The following IGF2BP3 variants were observed in gnomAD, a reference collection of about 807,000 sequenced individuals.
The protein encoded by IGF2BP3 is insulin like growth factor 2 mRNA binding protein 3.
A neutral mutation model predicts 73.8 loss-of-function variants in IGF2BP3; 9 were observed. The observed-to-expected ratio is 0.12, with a 90% CI of 0.07 to 0.21. The LOEUF (loss-of-function observed/expected upper bound fraction) is 0.21. Ranked by LOEUF, IGF2BP3 falls within the 10% of genes least tolerant of loss-of-function variation. The probability of loss-of-function intolerance (pLI) is 1.00; values close to 1 mark genes in which losing one functional copy is unlikely to be tolerated. For synonymous variants in IGF2BP3, 258 were observed against 256.7 expected, an observed-to-expected ratio of 1.01 and a Z score of -0.05; for missense variants, 542 against 714.0, an observed-to-expected ratio of 0.76 and a Z score of 2.75.
chr7:23,387,587 C>T (rs928430924), intron 3 of IGF2BP3, among the ~76,000 whole-genome samples: 5 of 152,168 alleles, frequency 3.3e-5, no homozygotes, highest in Admixed American at 2.0e-4. Flanking sequence ...GGGAACTCTA[C>T]ACTATCTGTA....
intron 3 of IGF2BP3, among the ~76,000 whole-genome samples, chr7:23,362,905 C>T (rs1411110064): frequency 6.6e-6 from 1 of 152,058 alleles, no homozygotes; most frequent in African/African-American, 2.4e-5. Context: ...AGGTGCACGC[C>T]GCCACCCTCA....
intron 10 of IGF2BP3, among the ~76,000 whole-genome samples, chr7:23,322,950 C>T (rs1287773356): frequency 3.9e-5 from 6 of 152,230 alleles, no homozygotes; most frequent in African/African-American, 1.4e-4. Flanking sequence ...ACAACCGGTA[C>T]CAGCCACTGC....
At chr7:23,320,552 C>G (rs1292296035) in intron 10 of IGF2BP3, among the ~76,000 whole-genome samples, 1 of 150,558 alleles carries the variant, frequency 6.6e-6, no homozygotes, top group Non-Finnish European at 1.5e-5. Context: ...GAGAAAAACA[C>G]TTCCAAGGAT....
chr7:23,414,811 C>A, intron 3 of IGF2BP3: 1 of 171,442 alleles, frequency 5.8e-6, no homozygotes, highest in Non-Finnish European at 1.2e-5. Flanking sequence ...AGTCGGCATC[C>A]CCACACCCAC....
intron 5 of IGF2BP3, 178 bp downstream of exon 5, chr7:23,361,356 T>C (rs1325612131): frequency 7.1e-6 from 4 of 564,268 alleles, no homozygotes; most frequent in Admixed American, 3.2e-5. Context: ...CTTTAACCAA[T>C]GTAGATTTTT....
rs748797144 is a variant in IGF2BP3 at position 23,469,978 on chromosome 7, G to A, written c.133C>T (p.Pro45Ser). The A allele has an allele frequency of 6.2e-7, 1 of 1,612,488 alleles. No individual in the cohort carries two copies. The highest frequency in any genetic ancestry group is 2.2e-5 in the East Asian group (1 of 44,852). ...GCCTTGAGGGCCCAGCTCTCGTCCGGGCAGTCCACGAACGCGTAGCCAGTC... is the reference window on the plus strand; with the variant it reads ...GCCTTGAGGGCCCAGCTCTCGTCCGAGCAGTCCACGAACGCGTAGCCAGTC... ...VKTGYAFVDC[P>S]DESWALKAIE... Residue 45 changes from proline to serine, a missense_variant, in exon 1 of 15, where the codon CCG becomes TCG. Transcript: ENST00000258729. The surrounding 1 kb of genome is among the most constrained non-coding windows in gnomAD (Gnocchi z 6.1).
chr7:23,404,897 T>C (rs376876008), intron 3 of IGF2BP3: 2 of 152,152 alleles, frequency 1.3e-5, no homozygotes, highest in Admixed American at 6.6e-5. Context: ...CAGGAGACCT[T>C]TGCCCTCCCC....
rs1237045725 is a variant in IGF2BP3, at chr7:23,324,367, C to G, written c.1204-5113G>C. 3.3e-5 allele frequency among the ~76,000 whole-genome samples: 5 copies of G among 151,930 alleles called. No homozygotes were observed. In the East Asian group the frequency reaches 9.7e-4, roughly 29 times the overall value. On this transcript the variant is annotated intron_variant, in intron 10 of 14. Coordinates refer to ENST00000258729, the MANE Select transcript of IGF2BP3 (RefSeq NM_006547.3). ...ACACATACACCCTCCCAAGACTAAG[C>G]CAGGAAGAAGTTGAATCTCTGAATA... is the stretch of plus-strand genomic sequence containing the variant.
chr7:23,333,826 A>C lies in IGF2BP3; in HGVS notation c.1203+8238T>G, dbSNP rs891732240. The stretch of plus-strand genomic sequence containing the variant: ...GCAATCATGTCTTGAAGAAAAGTTG[A>C]CTCATCAGATGTCTGAGGCTTGGTG... On this transcript the variant is annotated intron_variant, in intron 10 of 14. Coordinates refer to ENST00000258729, the MANE Select transcript of IGF2BP3 (RefSeq NM_006547.3). 7.9e-5 allele frequency among the ~76,000 whole-genome samples: 12 copies of C among 152,284 alleles called. No homozygotes were observed. The South Asian group carries it at 2.3e-3, about 29-fold the overall frequency.
chr7:23,406,067 TAAA>T (rs35605892), intron 3 of IGF2BP3, among the ~76,000 whole-genome samples: 4 of 139,048 alleles, frequency 2.9e-5, no homozygotes, highest in Admixed American at 1.4e-4. Context: ...ATTTTCTGAT[TAAA>T]AAAAAAAAAA....
chr7:23,434,299 T>C (rs1329903682), intron 2 of IGF2BP3, among the ~76,000 whole-genome samples: 1 of 152,170 alleles, frequency 6.6e-6, no homozygotes, highest in Non-Finnish European at 1.5e-5. Context: ...ACAAGGCAGA[T>C]CCTTGGGTTT....
intron 10 of IGF2BP3, among the ~76,000 whole-genome samples, chr7:23,326,946 C>T (rs546704193): frequency 0.018 from 2,613 of 145,896 alleles, 35 homozygotes; most frequent in Non-Finnish European, 0.03. Flanking sequence ...AGGGATAGCA[C>T]TGGGAGATAT....
intron 6 of IGF2BP3, 111 bp from the exon 7 acceptor site, chr7:23,347,845 C>G: frequency 8.1e-7 from 1 of 1,228,202 alleles, no homozygotes; most frequent in Non-Finnish European, 1.1e-6. Flanking sequence ...AAGCAGATGA[C>G]TCACTTCCCT....
intron 3 of IGF2BP3, among the ~76,000 whole-genome samples, chr7:23,378,639 T>A (rs1785807792): frequency 7.0e-6 from 1 of 143,430 alleles, no homozygotes. Context: ...AGTGGCATGA[T>A]CTTGGCTTAC....
At chr7:23,373,322 C>T (rs1785615279) in intron 3 of IGF2BP3, among the ~76,000 whole-genome samples, 3 of 152,214 alleles carry the variant, frequency 2.0e-5, no homozygotes, top group African/African-American at 7.2e-5. Context: ...AAAACAGGGA[C>T]TTCCCCCAAC....
intron 10 of IGF2BP3, among the ~76,000 whole-genome samples, chr7:23,330,651 C>T (rs1028017776): frequency 3.2e-4 from 48 of 152,140 alleles, no homozygotes; most frequent in Admixed American, 2.5e-3. Context: ...GCAATGTTGG[C>T]CGGGCTGGTC....
intron 3 of IGF2BP3, among the ~76,000 whole-genome samples, chr7:23,403,872 CA>C (rs1182980084): frequency 6.6e-6 from 1 of 151,798 alleles, no homozygotes; most frequent in Non-Finnish European, 1.5e-5. Flanking sequence ...ACTGTAATCC[CA>C]ACACTTTGGG....
intron 13 of IGF2BP3, among the ~76,000 whole-genome samples, chr7:23,313,313 C>T (rs966498058): frequency 4.6e-5 from 7 of 152,332 alleles, no homozygotes; most frequent in African/African-American, 1.7e-4. Context: ...ACAATCCTCT[C>T]ACACAAAGTG....
intron 3 of IGF2BP3, among the ~76,000 whole-genome samples, chr7:23,387,703 A>G (rs1702840280): frequency 6.6e-6 from 1 of 152,138 alleles, no homozygotes; most frequent in South Asian, 2.1e-4. Flanking sequence ...CTGCTACAAT[A>G]CCCATGAACA....
Sources: allele counts gnomAD v4.1 joint callset (sites outside exome capture counted in the v4.1 genomes callset), GRCh38; gene constraint gnomAD v4.1.1; non-coding constraint Gnocchi (gnomAD v3.1); transcripts MANE v1.5; gene names NCBI Gene and HGNC (gene_info 2026-07-23, HGNC 2026-07-21).